Variants in ADAMTSL4 observed in about 807,000 individuals in gnomAD.
ADAMTSL4 encodes ADAMTS-like protein 4.
In ADAMTSL4, 97 loss-of-function variants were observed where a neutral mutation model predicts 122.8. The ratio of observed to expected loss-of-function variants is 0.79; its 90% CI spans 0.67 to 0.93. The LOEUF is 0.93. ADAMTSL4 is among the 40% of genes least tolerant of loss of function. The probability of loss-of-function intolerance (pLI) is 0.00; values close to 1 mark genes in which losing one functional copy is unlikely to be tolerated. For synonymous variants in ADAMTSL4, 592 were observed against 568.0 expected (o/e 1.04, Z -0.60); for missense variants, 1,408 against 1,453.5 (o/e 0.97, Z 0.51).
chr1:150,560,770 T>G lies in ADAMTSL4; in HGVS notation c.*574T>G, dbSNP rs1022672837. 1 of 162,680 alleles carries G rather than the reference T, an allele frequency of 6.1e-6. No homozygotes were observed. The highest frequency in any genetic ancestry group is 1.4e-5 in the Non-Finnish European group (1 of 73,382). 10.1% of individuals were successfully genotyped at this position (162,680 alleles called of 1,614,324 possible). ...CTCAGGAAGGCAGGAGGAAAGAGAC[T>G]GCCTCTCCAGAGCAAGGCCCAGCTG... On this transcript the variant is annotated 3_prime_UTR_variant, in exon 19 of 19. Transcript: ENST00000271643.
rs756753622 is a variant in ADAMTSL4, at chr1:150,560,362, T to C, written c.*166T>C. ...TGACACAAAGTGACTTTCAGGGCTG[T>C]GGTCAGGCCCATGTGGTGGTGTGAT... On this transcript the variant is annotated 3_prime_UTR_variant, in exon 19 of 19. Coordinates refer to ENST00000271643, the MANE Select transcript of ADAMTSL4 (RefSeq NM_019032.6). 85 of 1,121,398 alleles carry C rather than the reference T, an allele frequency of 7.6e-5. No homozygotes were observed. Among genetic ancestry groups the C allele is most frequent in the Non-Finnish European group, 1.0e-4 (83 of 794,100 alleles). The allele number at this position is 1,121,398 out of a possible 1,614,324, so 69.5% of individuals were successfully genotyped here. A position where few individuals can be genotyped will look rare whatever the true frequency, so the allele number is the denominator to read the frequency against.
Position 150,559,606 on chromosome 1 carries a change from A to G in ADAMTSL4, c.2943+140A>G, listed in dbSNP as rs1202159907. The G allele has an allele frequency of 1.3e-6, 2 of 1,550,446 alleles. No homozygotes were observed. Among genetic ancestry groups the G allele is most frequent in the South Asian group, 1.1e-5 (1 of 87,980 alleles). ...GCGTTACCACTGTCCTACTTCTTAT[A>G]GACTTGGAGGAAAGATGGGCCCTCT... On this transcript the variant is annotated intron_variant, in intron 17 of 18. Transcript: ENST00000271643. This position sits in a 1 kb window ranked among gnomAD's most constrained non-coding sequence, Gnocchi z 4.1.
In ADAMTSL4 at chr1:150,560,350, C is replaced by G; in HGVS notation, c.*154C>G. 4 of 1,237,542 alleles carry G rather than the reference C, an allele frequency of 3.2e-6. No homozygotes were observed. Among genetic ancestry groups the G allele is most frequent in the Non-Finnish European group, 4.5e-6 (4 of 896,574 alleles). The allele number at this position is 1,237,542 out of a possible 1,614,324, so 76.7% of individuals were successfully genotyped here. On this transcript the variant is annotated 3_prime_UTR_variant, in exon 19 of 19. Coordinates refer to ENST00000271643, the MANE Select transcript of ADAMTSL4 (RefSeq NM_019032.6). ...TGGCAAGGTGACTGACACAAAGTGACTTTCAGGGCTGTGGTCAGGCCCATG... is the reference window on the plus strand; with the variant it reads ...TGGCAAGGTGACTGACACAAAGTGAGTTTCAGGGCTGTGGTCAGGCCCATG...
In ADAMTSL4 at chr1:150,555,502, G is replaced by A. The variant is rs759357566; in HGVS notation, c.1308G>A (p.Lys436=). The A allele has an allele frequency of 6.7e-5, 108 of 1,614,054 alleles. 1 individual carries two copies. The Admixed American group carries it at 1.7e-3, about 25-fold the overall frequency. Residue 436 remains lysine, a synonymous_variant, in exon 8 of 19, where the codon AAG becomes AAA. Coordinates refer to ENST00000271643, the MANE Select transcript of ADAMTSL4 (RefSeq NM_019032.6). ...GCTTCTATGTCCGTCACACTGAAAA[G>A]GTCCAGGATGGGACCCTGTGTCAGC... ...GFRFYVRHTE[K]VQDGTLCQPG...
chr1:150,559,342 A>T lies in ADAMTSL4; in HGVS notation c.2819A>T (p.Lys940Ile). 6.2e-7 allele frequency: 1 copy of T among 1,613,924 alleles called. No homozygotes were observed. The highest frequency in any genetic ancestry group is 8.5e-7 in the Non-Finnish European group (1 of 1,179,956). Residue 940 changes from lysine to isoleucine, a missense_variant, in exon 17 of 19, where the codon AAA becomes ATA. By Grantham distance (102) the Lys-to-Ile change is moderately radical. Transcript: ENST00000271643. This position sits in a 1 kb window ranked among gnomAD's most constrained non-coding sequence, Gnocchi z 4.1. Reference sequence around the variant, plus strand: ...CGTAGAGACATCATCTGTGTATCCAAACTGGGGACGGAGTTCAACGTGACT... The same window carrying T: ...CGTAGAGACATCATCTGTGTATCCATACTGGGGACGGAGTTCAACGTGACT... Reference protein sequence around the residue: ...TQRRDIICVSKLGTEFNVTSP... With the variant: ...TQRRDIICVSILGTEFNVTSP...
Position 150,553,656 on chromosome 1 carries a change from A to G in ADAMTSL4, c.665A>G (p.His222Arg), listed in dbSNP as rs747366202. Residue 222 changes from histidine (H) to arginine (R), a missense_variant, in exon 6 of 19, where the codon CAC (histidine) becomes CGC (arginine). Transcript: ENST00000271643. ...TELPPTELSV[H>R]TPSPQAEPLS... The stretch of plus-strand genomic sequence containing the variant: ...CTCCCTCCCACAGAACTGTCTGTCC[A>G]CACCCCATCCCCCCAAGCAGAACCT... 1.9e-6 allele frequency: 3 copies of G among 1,613,104 alleles called. No individual in the cohort carries two copies. In the African/African-American group the frequency reaches 4.0e-5, roughly 22 times the overall value.
Position 150,553,174 on chromosome 1 carries a change from C to T in ADAMTSL4, c.355C>T (p.Arg119Trp), listed in dbSNP as rs587619212. The T allele has an allele frequency of 4.3e-5, 69 of 1,610,626 alleles. No individual in the cohort carries two copies. Among genetic ancestry groups the T allele is most frequent in the South Asian group, 4.0e-4 (36 of 90,766 alleles). ...ETLPLYRTQSRGRGGPLRGPA... is the reference protein window; with the variant it reads ...ETLPLYRTQSWGRGGPLRGPA... Reference sequence around the variant, plus strand: ...CCTCCCCTTGTACAGGACACAGTCTCGGGGAAGGGGTGGCCCACTTCGAGG... The same window carrying T: ...CCTCCCCTTGTACAGGACACAGTCTTGGGGAAGGGGTGGCCCACTTCGAGG... The change falls in exon 5 of 19, where the codon CGG (arginine) becomes TGG (tryptophan). Residue 119 changes from arginine (R) to tryptophan (W), a missense_variant. Coordinates refer to ENST00000271643, the MANE Select transcript of ADAMTSL4 (RefSeq NM_019032.6).
At chr1:150,551,242 G>A (rs993160012) in intron 2 of ADAMTSL4, 4 of 351,024 alleles carry the variant, frequency 1.1e-5, no homozygotes, top group Admixed American at 3.8e-5. Flanking sequence ...TGGTAGAGAC[G>A]CACAGGAAAC....
rs200863648 is a variant in ADAMTSL4 at position 150,560,010 on chromosome 1, G to A, written c.3089-50G>A. 21 of 1,613,994 alleles carry A rather than the reference G, an allele frequency of 1.3e-5. No homozygotes were observed. The Admixed American group carries it at 1.5e-4, about 12-fold the overall frequency. ...ATGGGCAGCACACCCATTCCCAGACGGGTGGGTCCTGGTGACTCTCTTGTG... is the reference window on the plus strand; with the variant it reads ...ATGGGCAGCACACCCATTCCCAGACAGGTGGGTCCTGGTGACTCTCTTGTG... On this transcript the variant is annotated intron_variant, in intron 18 of 18. Coordinates refer to ENST00000271643, the MANE Select transcript of ADAMTSL4 (RefSeq NM_019032.6).
At position 150,552,060 on chromosome 1, in the gene ADAMTSL4, A is replaced by C; in HGVS notation, c.-84-145A>C. Reference sequence around the variant, plus strand: ...ACCATGTAGCCTCTACAGATGGACAAGGCAGTGATCCTCCCTGCTCCCACC... The same window carrying C: ...ACCATGTAGCCTCTACAGATGGACACGGCAGTGATCCTCCCTGCTCCCACC... On this transcript the variant is annotated intron_variant, in intron 2 of 18. Transcript: ENST00000271643. The surrounding 1 kb of genome is among the most constrained non-coding windows in gnomAD (Gnocchi z 4.0). The C allele has an allele frequency of 1.7e-6, 1 of 591,210 alleles. No individual in the cohort carries two copies. 36.6% of individuals were successfully genotyped at this position (591,210 alleles called of 1,614,324 possible). A position where few individuals can be genotyped will look rare whatever the true frequency, so the allele number is the denominator to read the frequency against.
At chr1:150,555,942 G>T (rs1456784986) in intron 8 of ADAMTSL4, 30 of 621,440 alleles carry the variant, frequency 4.8e-5, no homozygotes, top group Non-Finnish European at 8.3e-5. Flanking sequence ...ATCACTGAGG[G>T]AGAATTCTCA....
chr1:150,553,135 A>G lies in ADAMTSL4; in HGVS notation c.316A>G (p.Thr106Ala). The change falls in exon 5 of 19, where the codon ACT becomes GCT. Residue 106 changes from threonine to alanine, a missense_variant. Transcript: ENST00000271643. The stretch of plus-strand genomic sequence containing the variant: ...CCGGGGCCAGGGTCCCAGACCCCAG[A>G]CTTCTCCAGAAACCCTCCCCTTGTA... ...LPRGQGPRPQ[T>A]SPETLPLYRT... 4 of 1,612,638 alleles carry G rather than the reference A, an allele frequency of 2.5e-6. No homozygotes were observed. Among genetic ancestry groups the G allele is most frequent in the Non-Finnish European group, 3.4e-6 (4 of 1,179,582 alleles).
Position 150,560,458 on chromosome 1 carries a change from A to C in ADAMTSL4, c.*262A>C. On this transcript the variant is annotated 3_prime_UTR_variant, in exon 19 of 19. Transcript: ENST00000271643. ...ATATGTGTGTGCTCAAACGTGTATC[A>C]CTTTTCAAAAAGAGGTTACACAGAC... 1.8e-6 allele frequency: 1 copy of C among 561,742 alleles called. No individual in the cohort carries two copies. Among genetic ancestry groups the C allele is most frequent in the Non-Finnish European group, 3.2e-6 (1 of 314,718 alleles). The allele number at this position is 561,742 out of a possible 1,614,324, so 34.8% of individuals were successfully genotyped here.
intron 14 of ADAMTSL4, 103 bp downstream of exon 14, chr1:150,558,252 A>G: frequency 7.6e-6 from 12 of 1,575,790 alleles, no homozygotes; most frequent in Non-Finnish European, 6.9e-6. Context: ...ACTATTTACA[A>G]ACAGGGTTTC....
chr1:150,553,739 C>A lies in ADAMTSL4; in HGVS notation c.748C>A (p.Arg250=), dbSNP rs140535012. The change falls in exon 6 of 19, where the codon CGG becomes AGG. Residue 250 remains arginine, a synonymous_variant. Coordinates refer to ENST00000271643, the MANE Select transcript of ADAMTSL4 (RefSeq NM_019032.6). ...CCCCAGAACCAGGCCTGCCCCCCTA[C>A]GGCATCACCCCAGAGCCCAGGCCTC... ...VAPRTRPAPL[R]HHPRAQASGT... 1.2e-6 allele frequency: 2 copies of A among 1,613,034 alleles called. No individual in the cohort carries two copies. Among genetic ancestry groups the A allele is most frequent in the African/African-American group, 2.7e-5 (2 of 74,712 alleles).
In ADAMTSL4 at chr1:150,554,442, G is replaced by A. The variant is rs1445196847; in HGVS notation, c.1209G>A (p.Leu403=). The change falls in exon 7 of 19, where the codon CTG becomes CTA. Residue 403 remains leucine (L), a synonymous_variant. Transcript: ENST00000271643. This position sits in a 1 kb window ranked among gnomAD's most constrained non-coding sequence, Gnocchi z 4.0. ...ACTCCCAGGAATTCATGGGCCAGCT[G>A]TATCAGTGGGAGCCCTTCACTGAAG... The part of the protein sequence containing the change: ...AFNSQEFMGQ[L]YQWEPFTEVQ... 1 of 1,614,172 alleles carries A rather than the reference G, an allele frequency of 6.2e-7. No homozygotes were observed. The highest frequency in any genetic ancestry group is 1.1e-5 in the South Asian group (1 of 91,086).
At chr1:150,555,937 T>TGAGG in intron 8 of ADAMTSL4, 1 of 618,936 alleles carries the variant, frequency 1.6e-6, no homozygotes, top group Non-Finnish European at 2.9e-6. Flanking sequence ...CTGAGATCAC[T>TGAGG]GAGGGAGAAT....
rs771174093 is a variant in ADAMTSL4 at position 150,552,419 on chromosome 1, A to G, written c.20+111A>G. The G allele has an allele frequency of 1.5e-4, 233 of 1,551,884 alleles. No individual in the cohort carries two copies. The highest frequency in any genetic ancestry group is 3.6e-4 in the Admixed American group (20 of 55,008). On this transcript the variant is annotated intron_variant, in intron 3 of 18. Coordinates refer to ENST00000271643, the MANE Select transcript of ADAMTSL4 (RefSeq NM_019032.6). This position sits in a 1 kb window ranked among gnomAD's most constrained non-coding sequence, Gnocchi z 4.0. ...ACTGGGAGGGGCAGGGGAAGTGATGAGTAACTTCTGCTTTCTGAGAAGTTG... is the reference window on the plus strand; with the variant it reads ...ACTGGGAGGGGCAGGGGAAGTGATGGGTAACTTCTGCTTTCTGAGAAGTTG...
At chr1:150,551,354 C>T (rs753190142) in intron 2 of ADAMTSL4, 4 of 296,908 alleles carry the variant, frequency 1.3e-5, no homozygotes, top group African/African-American at 4.3e-5. Context: ...TAGCTTATCC[C>T]TTGGCCAAAA....
Sources: allele counts gnomAD v4.1 joint callset, GRCh38; gene constraint gnomAD v4.1.1; non-coding constraint Gnocchi (gnomAD v3.1); transcripts MANE v1.5; gene names NCBI Gene and HGNC (gene_info 2026-07-23, HGNC 2026-07-21).